PRDM16: variants seen among roughly 807,000 people sequenced by gnomAD.
PRDM16 encodes PR/SET domain 16.
A neutral mutation model predicts 110.6 loss-of-function variants in PRDM16; 23 were observed. That is an observed-to-expected ratio of 0.21 (90% CI 0.15 to 0.29). PRDM16 has a LOEUF of 0.29. PRDM16 is among the 10% of genes least tolerant of loss of function. The pLI is 1.00. For synonymous variants in PRDM16, 799 were observed against 781.8 expected (o/e 1.02, Z -0.37); for missense variants, 1,615 against 1,794.3 (o/e 0.90, Z 1.81).
Position 3,405,510 on chromosome 1 carries a change from A to G in PRDM16, c.1048A>G (p.Ser350Gly). 1 of 1,592,312 alleles carries G rather than the reference A, an allele frequency of 6.3e-7. No homozygotes were observed. The highest frequency in any genetic ancestry group is 8.6e-7 in the Non-Finnish European group (1 of 1,168,302). Reference sequence around the variant, plus strand: ...GTCTCCCCAGGTGTTCACGGACCCCAGCAACCTTCAGCGGCACATCCGCTC... The same window carrying G: ...GTCTCCCCAGGTGTTCACGGACCCCGGCAACCTTCAGCGGCACATCCGCTC... ...ENCVKVFTDPSNLQRHIRSQH... is the reference protein window; with the variant it reads ...ENCVKVFTDPGNLQRHIRSQH... The change falls in exon 8 of 17, where the codon AGC (serine) becomes GGC (glycine). Residue 350 changes from serine (S) to glycine (G), a missense_variant. By Grantham distance (56) the Ser-to-Gly change is moderately conservative (BLOSUM62 0). Transcript: ENST00000270722.
intron 3 of PRDM16, among the ~76,000 whole-genome samples, chr1:3,383,752 C>T (rs1467729100): frequency 6.6e-6 from 1 of 152,156 alleles, no homozygotes; most frequent in East Asian, 1.9e-4. Context: ...TTGGACAGGT[C>T]ACTGTCTCAT....
chr1:3,201,953 G>A lies in PRDM16; in HGVS notation c.387+15479G>A, dbSNP rs2100829589. ...GGGGTCCAGCTCCTGTAGGTTTCTTGCTTCAGTGGTGCCCGTACATAATAG... is the reference window on the plus strand; with the variant it reads ...GGGGTCCAGCTCCTGTAGGTTTCTTACTTCAGTGGTGCCCGTACATAATAG... On this transcript the variant is annotated intron_variant, in intron 2 of 16. Transcript: ENST00000270722. The surrounding 1 kb of genome is among the most constrained non-coding windows in gnomAD (Gnocchi z 4.1). Among the ~76,000 whole-genome samples, 1 of 152,308 alleles carries A rather than the reference G, an allele frequency of 6.6e-6. No homozygotes were observed. The highest frequency in any genetic ancestry group is 1.9e-4 in the East Asian group (1 of 5,168).
intron 3 of PRDM16, among the ~76,000 whole-genome samples, chr1:3,258,151 A>G (rs989134923): frequency 2.2e-4 from 34 of 152,162 alleles, no homozygotes; most frequent in African/African-American, 7.7e-4. Flanking sequence ...GGGGTGGGGA[A>G]GGCAAGTATC....
At chr1:3,429,591 C>T (rs538547781) in intron 14 of PRDM16, among the ~76,000 whole-genome samples, 25 of 152,322 alleles carry the variant, frequency 1.6e-4, no homozygotes, top group African/African-American at 4.1e-4. Flanking sequence ...GAACCCCACC[C>T]GAGGGCACCT....
At chr1:3,336,387 C>T (rs569704839) in intron 3 of PRDM16, among the ~76,000 whole-genome samples, 132 of 151,980 alleles carry the variant, frequency 8.7e-4, no homozygotes, top group African/African-American at 2.8e-3. Flanking sequence ...TATTTGTAAG[C>T]AAATGCATGC....
In PRDM16 at chr1:3,397,685, G is replaced by A. The variant is rs1040804176; in HGVS notation, c.676+1092G>A. 2.0e-5 allele frequency among the ~76,000 whole-genome samples: 3 copies of A among 152,226 alleles called. 1 individual carries two copies. The highest frequency in any genetic ancestry group is 2.0e-4 in the Admixed American group (3 of 15,290). ...ATTCCTGCTGGTGCTGGAGCCTGGA[G>A]GGAGGCTGAGTTTTCCTCCTCGCTT... On this transcript the variant is annotated intron_variant, in intron 5 of 16. Coordinates refer to ENST00000270722, the MANE Select transcript of PRDM16 (RefSeq NM_022114.4).
intron 3 of PRDM16, chr1:3,309,428 AAC>A (rs1386046070): frequency 6.6e-6 from 1 of 152,282 alleles, no homozygotes; most frequent in African/African-American, 2.4e-5. Context: ...ATGGGGCCTG[AAC>A]ACACTGCTCC....
At chr1:3,084,477 C>T (rs1166524835) in intron 1 of PRDM16, among the ~76,000 whole-genome samples, 5 of 152,188 alleles carry the variant, frequency 3.3e-5, no homozygotes, top group Non-Finnish European at 5.9e-5. Flanking sequence ...CTGGGAGGCA[C>T]GGAATGCTGG....
intron 1 of PRDM16, chr1:3,133,281 C>G (rs1265511004): frequency 6.6e-6 from 1 of 152,270 alleles, no homozygotes; most frequent in Non-Finnish European, 1.5e-5. Flanking sequence ...CCAGGGGTTG[C>G]TTTTCCCACC....
intron 3 of PRDM16, among the ~76,000 whole-genome samples, chr1:3,333,826 G>A (rs962280054): frequency 2.0e-5 from 3 of 152,076 alleles, no homozygotes; most frequent in Admixed American, 6.6e-5. Context: ...CTTTAAAAGA[G>A]TCTAGGACCT....
At chr1:3,369,248 T>A (rs1409042414) in intron 3 of PRDM16, among the ~76,000 whole-genome samples, 1 of 152,240 alleles carries the variant, frequency 6.6e-6, no homozygotes, top group East Asian at 1.9e-4. Flanking sequence ...GCAGCACCTC[T>A]GTCTGTGAAT....
chr1:3,251,950 C>T (rs183325833), intron 3 of PRDM16, among the ~76,000 whole-genome samples: 1 of 152,220 alleles, frequency 6.6e-6, no homozygotes, highest in Non-Finnish European at 1.5e-5. Context: ...GGGGAGTTCT[C>T]TCTTCCACAC....
intron 1 of PRDM16, among the ~76,000 whole-genome samples, chr1:3,105,064 G>A (rs766015510): frequency 5.9e-5 from 9 of 151,854 alleles, no homozygotes; most frequent in Admixed American, 3.3e-4. Flanking sequence ...GTGGGGGCGG[G>A]TGGAAGGTGC....
chr1:3,382,924 A>G lies in PRDM16; in HGVS notation c.439-2228A>G, dbSNP rs1382559799. The stretch of plus-strand genomic sequence containing the variant: ...GGGATACTGCCAGCCCCATGTGGCC[A>G]GCTGTGCTCCTGCTACTCCATCGTT... On this transcript the variant is annotated intron_variant, in intron 3 of 16. Transcript: ENST00000270722. The surrounding 1 kb of genome is among the most constrained non-coding windows in gnomAD (Gnocchi z 6.6). Among the ~76,000 whole-genome samples the G allele has an allele frequency of 6.6e-6, 1 of 152,198 alleles. No homozygotes were observed. Among genetic ancestry groups the G allele is most frequent in the Non-Finnish European group, 1.5e-5 (1 of 68,032 alleles).
At chr1:3,271,229 G>T (rs532437257) in intron 3 of PRDM16, among the ~76,000 whole-genome samples, 2 of 152,212 alleles carry the variant, frequency 1.3e-5, no homozygotes, top group Non-Finnish European at 2.9e-5. Context: ...CTCGAGGAAG[G>T]AACGAAGCAT....
At chr1:3,258,497 G>C (rs1001422717) in intron 3 of PRDM16, among the ~76,000 whole-genome samples, 2 of 152,188 alleles carry the variant, frequency 1.3e-5, no homozygotes, top group Non-Finnish European at 2.9e-5. Context: ...TTGGGAAACT[G>C]TTTCTTCTTG....
intron 3 of PRDM16, among the ~76,000 whole-genome samples, chr1:3,360,391 CAG>C (rs1302200422): frequency 2.0e-5 from 3 of 152,200 alleles, no homozygotes; most frequent in Non-Finnish European, 4.4e-5. Context: ...CAGCCAGAAA[CAG>C]AGGCTAAGAA....
At chr1:3,219,382 G>A (rs990893372) in intron 2 of PRDM16, among the ~76,000 whole-genome samples, 2 of 152,178 alleles carry the variant, frequency 1.3e-5, no homozygotes, top group Non-Finnish European at 2.9e-5. Flanking sequence ...TGGCCACAGC[G>A]CTAAATTACT....
chr1:3,436,844 C>T lies in PRDM16; in HGVS notation c.*3033C>T, dbSNP rs1008867487. The stretch of plus-strand genomic sequence containing the variant: ...AGGGTCAGGGCTGCAAGCCAGGGGT[C>T]CAGGGCCCTTCCGTTCAGCCCAAAT... On this transcript the variant is annotated 3_prime_UTR_variant, in exon 17 of 17. Coordinates refer to ENST00000270722, the MANE Select transcript of PRDM16 (RefSeq NM_022114.4). The T allele has an allele frequency of 1.7e-5, 4 of 233,180 alleles. No individual in the cohort carries two copies. Among genetic ancestry groups the T allele is most frequent in the Non-Finnish European group, 3.4e-5 (4 of 118,070 alleles). The allele number at this position is 233,180 out of a possible 1,614,324, so 14.4% of individuals were successfully genotyped here. A position where few individuals can be genotyped will look rare whatever the true frequency, so the allele number is the denominator to read the frequency against.
Sources: gnomAD v4.1 joint callset for allele counts (sites outside exome capture counted in the v4.1 genomes callset) on GRCh38, gnomAD v4.1.1 for gene constraint, Gnocchi (gnomAD v3.1) non-coding constraint, MANE v1.5 for transcripts, NCBI Gene and HGNC (gene_info 2026-07-23, HGNC 2026-07-21) for gene names.